PCDHGA11: variants seen among roughly 807,000 people sequenced by gnomAD.
PCDHGA11 encodes the protein protocadherin gamma-A11.
In PCDHGA11, 39 loss-of-function variants were observed where a neutral mutation model predicts 60.4. That is an observed-to-expected ratio of 0.65 (90% CI 0.50 to 0.84). The LOEUF (loss-of-function observed/expected upper bound fraction) is 0.84, where lower values mean the gene tolerates loss of function less well. PCDHGA11 is among the 40% of genes least tolerant of loss of function. The pLI, the probability that PCDHGA11 is intolerant of heterozygous loss-of-function variation, is 0.00. For synonymous variants in PCDHGA11, 533 were observed against 510.3 expected (o/e 1.04, Z -0.60); for missense variants, 1,165 against 1,197.7 (o/e 0.97, Z 0.40).
At position 141,485,009 on chromosome 5, in the gene PCDHGA11, C is replaced by T. The variant is rs531346426; in HGVS notation, c.2434-9798C>T. The T allele has an allele frequency of 6.4e-5, 40 of 628,334 alleles. No homozygotes were observed. Among genetic ancestry groups the T allele is most frequent in the Admixed American group, 5.3e-4 (18 of 33,986 alleles). The allele number at this position is 628,334 out of a possible 1,614,324, so 38.9% of individuals were successfully genotyped here. On this transcript the variant is annotated intron_variant, in intron 1 of 3. Transcript: ENST00000398587. The surrounding 1 kb of genome is among the most constrained non-coding windows in gnomAD (Gnocchi z 5.7). Reference sequence around the variant, plus strand: ...GGTGGTGAAAGGCAGACAAATCTACCCCGCCACCAGCAAAAACGGCGCGTA... The same window carrying T: ...GGTGGTGAAAGGCAGACAAATCTACTCCGCCACCAGCAAAAACGGCGCGTA...
At position 141,490,448 on chromosome 5, in the gene PCDHGA11, A is replaced by C. The variant is rs1309104827; in HGVS notation, c.2434-4359A>C. 1 of 1,614,206 alleles carries C rather than the reference A, an allele frequency of 6.2e-7. No homozygotes were observed. Among genetic ancestry groups the C allele is most frequent in the Admixed American group, 1.7e-5 (1 of 60,030 alleles). ...TTTCAGATTAAGCCTTCTGAGAACC[A>C]CTACTCGCTGCTAACCAGCCAGCCT... is the stretch of plus-strand genomic sequence containing the variant. On this transcript the variant is annotated intron_variant, in intron 1 of 3. Coordinates refer to ENST00000398587, the MANE Select transcript of PCDHGA11 (RefSeq NM_018914.3). This position sits in a 1 kb window ranked among gnomAD's most constrained non-coding sequence, Gnocchi z 5.4.
chr5:141,505,645 G>A (rs997169182), intron 3 of PCDHGA11, 164 bp downstream of exon 3: 2 of 964,274 alleles, frequency 2.1e-6, no homozygotes, highest in African/African-American at 1.8e-5. Flanking sequence ...GCCTGGAATT[G>A]TGGCTAAGGA....
chr5:141,423,883 A>G, intron 1 of PCDHGA11: 2 of 1,283,462 alleles, frequency 1.6e-6, no homozygotes, highest in Non-Finnish European at 2.0e-6. Context: ...CAATCTTGGC[A>G]TATTTTCTTT....
intron 2 of PCDHGA11, among the ~76,000 whole-genome samples, chr5:141,500,023 G>C (rs1393994881): frequency 1.3e-5 from 2 of 151,754 alleles, no homozygotes; most frequent in Admixed American, 6.6e-5. Flanking sequence ...TTTTATATTT[G>C]AGTGAGTGTC....
In PCDHGA11 at chr5:141,476,348, G is replaced by T. The variant is rs764669470; in HGVS notation, c.2434-18459G>T. On this transcript the variant is annotated intron_variant, in intron 1 of 3. Transcript: ENST00000398587. This position sits in a 1 kb window ranked among gnomAD's most constrained non-coding sequence, Gnocchi z 7.6. ...GTCTGGAGCTAGCCGAAGATTCTTTGAGGTGAACCGGGAGACCGGAGAGAT... is the reference window on the plus strand; with the variant it reads ...GTCTGGAGCTAGCCGAAGATTCTTTTAGGTGAACCGGGAGACCGGAGAGAT... 1 of 1,614,190 alleles carries T rather than the reference G, an allele frequency of 6.2e-7. No individual in the cohort carries two copies. The highest frequency in any genetic ancestry group is 8.5e-7 in the Non-Finnish European group (1 of 1,180,032).
chr5:141,490,380 T>C lies in PCDHGA11; in HGVS notation c.2434-4427T>C, dbSNP rs1246254637. 1 of 1,614,204 alleles carries C rather than the reference T, an allele frequency of 6.2e-7. No individual in the cohort carries two copies. ...TTAATGTGCGAGACCGGGACTCAGGTAGAAATGGTGAAGTGAGCCTTGATA... is the reference window on the plus strand; with the variant it reads ...TTAATGTGCGAGACCGGGACTCAGGCAGAAATGGTGAAGTGAGCCTTGATA... On this transcript the variant is annotated intron_variant, in intron 1 of 3. Coordinates refer to ENST00000398587, the MANE Select transcript of PCDHGA11 (RefSeq NM_018914.3). This position sits in a 1 kb window ranked among gnomAD's most constrained non-coding sequence, Gnocchi z 5.4.
In PCDHGA11 at chr5:141,489,242, TG is replaced by T; in HGVS notation, c.2434-5561del. 6.5e-7 allele frequency: 1 copy of T among 1,534,498 alleles called. No homozygotes were observed. The highest frequency in any genetic ancestry group is 2.3e-5 in the East Asian group (1 of 44,312). On this transcript the variant is annotated intron_variant, in intron 1 of 3. Transcript: ENST00000398587. The surrounding 1 kb of genome is among the most constrained non-coding windows in gnomAD (Gnocchi z 4.5). ...TCTCCACAAAGGGACTTCTGGGTCA[TG>T]GGGCCCAAGACACTCCCACAGCTCG...
intron 1 of PCDHGA11, among the ~76,000 whole-genome samples, chr5:141,425,045 C>T (rs1374682125): frequency 6.6e-6 from 1 of 152,136 alleles, no homozygotes; most frequent in East Asian, 1.9e-4. Context: ...TGTAAACTGA[C>T]TATCTAGGGC....
In PCDHGA11 at chr5:141,462,417, A is replaced by G. The variant is rs184240612; in HGVS notation, c.2434-32390A>G. 4.0e-4 allele frequency among the ~76,000 whole-genome samples: 61 copies of G among 152,300 alleles called. 1 individual carries two copies. The highest frequency in any genetic ancestry group is 3.2e-3 in the Admixed American group (49 of 15,300). ...TCTTTTATGGCACAGAATATGGTCT[A>G]TCTTGGTGAGTGTTGCTTACACACA... On this transcript the variant is annotated intron_variant, in intron 1 of 3. Transcript: ENST00000398587.
Position 141,511,225 on chromosome 5 carries a change from C to T in PCDHGA11, c.*52C>T, listed in dbSNP as rs2099883678. On this transcript the variant is annotated 3_prime_UTR_variant, in exon 4 of 4. Transcript: ENST00000398587. Reference sequence around the variant, plus strand: ...GGCGGCCTCTCCCCAACCAGCCCAGCTTCTCCTTACCTGCACCCAGGCCTC... The same window carrying T: ...GGCGGCCTCTCCCCAACCAGCCCAGTTTCTCCTTACCTGCACCCAGGCCTC... 1.9e-6 allele frequency: 3 copies of T among 1,601,506 alleles called. No individual in the cohort carries two copies. Among genetic ancestry groups the T allele is most frequent in the Non-Finnish European group, 2.6e-6 (3 of 1,174,170 alleles).
chr5:141,455,795 C>T (rs1251703490), intron 1 of PCDHGA11, among the ~76,000 whole-genome samples: 1 of 151,960 alleles, frequency 6.6e-6, no homozygotes, highest in African/African-American at 2.4e-5. Flanking sequence ...TCCGGAGATG[C>T]TTTAAAAAAT....
At position 141,476,304 on chromosome 5, in the gene PCDHGA11, C is replaced by T. The variant is rs769790423; in HGVS notation, c.2434-18503C>T. On this transcript the variant is annotated intron_variant, in intron 1 of 3. Coordinates refer to ENST00000398587, the MANE Select transcript of PCDHGA11 (RefSeq NM_018914.3). The surrounding 1 kb of genome is among the most constrained non-coding windows in gnomAD (Gnocchi z 7.6). Reference sequence around the variant, plus strand: ...GGTTTGGATCTCGGTAGCCTCTCAGCCCGCAGGTTCCGGGTGGTGTCTGGA... The same window carrying T: ...GGTTTGGATCTCGGTAGCCTCTCAGTCCGCAGGTTCCGGGTGGTGTCTGGA... The T allele has an allele frequency of 6.2e-7, 1 of 1,613,746 alleles. No individual in the cohort carries two copies. Among genetic ancestry groups the T allele is most frequent in the Admixed American group, 1.7e-5 (1 of 59,988 alleles).
chr5:141,478,454 A>T, intron 1 of PCDHGA11: 1 of 1,613,596 alleles, frequency 6.2e-7, no homozygotes. Flanking sequence ...TGGTGCAGCC[A>T]GTCCACTGGC....
At chr5:141,474,606 T>C (rs1156236978) in intron 1 of PCDHGA11, among the ~76,000 whole-genome samples, 1 of 152,242 alleles carries the variant, frequency 6.6e-6, no homozygotes, top group Non-Finnish European at 1.5e-5. Context: ...ATAGGTCACA[T>C]ATGGCTTTTC....
At chr5:141,494,445 A>G (rs1424475551) in intron 1 of PCDHGA11, among the ~76,000 whole-genome samples, 1 of 152,158 alleles carries the variant, frequency 6.6e-6, no homozygotes, top group East Asian at 1.9e-4. Flanking sequence ...TTGCCACTTT[A>G]GGGGGCTTTG....
intron 3 of PCDHGA11, among the ~76,000 whole-genome samples, chr5:141,509,751 A>T (rs1430265981): frequency 6.6e-6 from 1 of 151,998 alleles, no homozygotes; most frequent in Admixed American, 6.5e-5. Flanking sequence ...CCTGTGCCTA[A>T]AGTGTCCCTG....
At chr5:141,461,951 G>C (rs1419637040) in intron 1 of PCDHGA11, among the ~76,000 whole-genome samples, 1 of 152,186 alleles carries the variant, frequency 6.6e-6, no homozygotes, top group African/African-American at 2.4e-5. Context: ...AACCTCCTGA[G>C]TAGCTGGGAT....
rs758993148 is a variant in PCDHGA11 at position 141,430,863 on chromosome 5, T to C, written c.2433+7203T>C. On this transcript the variant is annotated intron_variant, in intron 1 of 3. Transcript: ENST00000398587. Reference sequence around the variant, plus strand: ...GGATGCACCCAGATACGCTATTCAGTTCCGGAAGAGCTGGAGAAAGGCTCT... The same window carrying C: ...GGATGCACCCAGATACGCTATTCAGCTCCGGAAGAGCTGGAGAAAGGCTCT... 8 of 1,594,990 alleles carry C rather than the reference T, an allele frequency of 5.0e-6. No individual in the cohort carries two copies. In the South Asian group the frequency reaches 8.0e-5, roughly 16 times the overall value.
intron 1 of PCDHGA11, among the ~76,000 whole-genome samples, chr5:141,484,819 G>A (rs2099601374): frequency 1.3e-5 from 2 of 152,122 alleles, no homozygotes; most frequent in Admixed American, 1.3e-4. Flanking sequence ...GCCGTTGAGC[G>A]GGAGGAAGGC....
Sources: gnomAD v4.1 joint callset for allele counts (sites outside exome capture counted in the v4.1 genomes callset) on GRCh38, gnomAD v4.1.1 for gene constraint, Gnocchi (gnomAD v3.1) non-coding constraint, MANE v1.5 for transcripts, NCBI Gene and HGNC (gene_info 2026-07-23, HGNC 2026-07-21) for gene names.